Variants in SHANK2 observed in about 807,000 individuals in gnomAD.
SHANK2 encodes the protein SH3 and multiple ankyrin repeat domains 2, also known as SH3 and multiple ankyrin repeat domains protein 2.
SHANK2 carries 43 observed loss-of-function variants against 133.7 expected under a neutral mutation model. The ratio of observed to expected loss-of-function variants is 0.32; its 90% CI spans 0.25 to 0.41. The LOEUF is 0.41. Among genes scored for constraint, SHANK2 ranks in the 10% least tolerant of loss-of-function variants. SHANK2 has a pLI of 1.00. For missense variants in SHANK2, 1,994 were observed against 2,235.8 expected, an observed-to-expected ratio of 0.89 and a Z score of 2.18; for synonymous variants, 1,017 against 952.8, an observed-to-expected ratio of 1.07 and a Z score of -1.24.
chr11:71,090,691 T>C (rs1951500706), intron 8 of SHANK2, among the ~76,000 whole-genome samples: 1 of 152,160 alleles, frequency 6.6e-6, no homozygotes, highest in South Asian at 2.1e-4. Flanking sequence ...ATATGTTATA[T>C]ATGTATATGC....
intron 2 of SHANK2, among the ~76,000 whole-genome samples, chr11:71,179,774 C>T (rs1953518770): frequency 6.6e-6 from 1 of 152,080 alleles, no homozygotes; most frequent in Non-Finnish European, 1.5e-5. Flanking sequence ...AATTATATTT[C>T]TATATAATTG....
chr11:70,887,191 G>A (rs542944895), intron 11 of SHANK2, among the ~76,000 whole-genome samples: 1 of 152,296 alleles, frequency 6.6e-6, no homozygotes, highest in Non-Finnish European at 1.5e-5. Flanking sequence ...TCCCACAGAA[G>A]CCATCGTCCA....
intron 6 of SHANK2, among the ~76,000 whole-genome samples, chr11:71,107,646 A>T (rs1555098194): frequency 6.6e-6 from 1 of 152,166 alleles, no homozygotes; most frequent in African/African-American, 2.4e-5. Flanking sequence ...TTGCTCTGGC[A>T]CCAGCCTAAT....
At chr11:71,086,695 C>T (rs1330756212) in intron 8 of SHANK2, among the ~76,000 whole-genome samples, 1 of 151,692 alleles carries the variant, frequency 6.6e-6, no homozygotes, top group Non-Finnish European at 1.5e-5. Flanking sequence ...TTGAGACCCG[C>T]ACTGTGGCAT....
At chr11:71,146,781 C>T (rs554245472) in intron 3 of SHANK2, among the ~76,000 whole-genome samples, 1 of 152,282 alleles carries the variant, frequency 6.6e-6, no homozygotes. Context: ...GTGCACCTGC[C>T]GCCCGGGTTT....
chr11:71,063,065 A>AAGGG lies in SHANK2; in HGVS notation c.1030-6511_1030-6508dup, dbSNP rs1370245576. ...GAAAGAGAGAGAAAGAAAAGGAAGG[A>AAGGG]AGGGAGGGAGAAAGAGAAAGAGAAA... On this transcript the variant is annotated intron_variant, in intron 9 of 25. Coordinates refer to ENST00000601538, the MANE Select transcript of SHANK2 (RefSeq NM_012309.5). Among the ~76,000 whole-genome samples, 192 of 151,464 alleles carry AAGGG rather than the reference A, an allele frequency of 1.3e-3. 1 individual carries two copies. Among genetic ancestry groups the AAGGG allele is most frequent in the African/African-American group, 4.2e-3 (172 of 41,314 alleles).
chr11:70,591,993 A>C (rs2060329276), intron 17 of SHANK2, among the ~76,000 whole-genome samples: 1 of 152,130 alleles, frequency 6.6e-6, no homozygotes, highest in East Asian at 1.9e-4. Context: ...AGATCGCGCC[A>C]TCGCACTCCA....
At chr11:70,690,042 T>G (rs1424529807) in intron 15 of SHANK2, among the ~76,000 whole-genome samples, 3 of 152,144 alleles carry the variant, frequency 2.0e-5, no homozygotes, top group Non-Finnish European at 2.9e-5. Context: ...AAGTGGAGGA[T>G]GTATCCTGAC....
intron 17 of SHANK2, among the ~76,000 whole-genome samples, chr11:70,620,323 T>C (rs2060811714): frequency 6.6e-6 from 1 of 152,234 alleles, no homozygotes; most frequent in Non-Finnish European, 1.5e-5. Flanking sequence ...CGGGGCCTCA[T>C]CAGAACAAAA....
chr11:70,719,742 G>GCC (rs1387716539), intron 14 of SHANK2, among the ~76,000 whole-genome samples: 3 of 151,416 alleles, frequency 2.0e-5, no homozygotes, highest in African/African-American at 7.3e-5. Flanking sequence ...TTCCACAACA[G>GCC]CCCCGCGCTC....
intron 17 of SHANK2, among the ~76,000 whole-genome samples, chr11:70,540,742 C>T (rs923108986): frequency 6.8e-6 from 1 of 147,436 alleles, no homozygotes; most frequent in Non-Finnish European, 1.5e-5. Flanking sequence ...GGTGTGGTGG[C>T]GGGCGCCTGC....
chr11:70,785,804 G>A (rs1555046329), intron 14 of SHANK2, among the ~76,000 whole-genome samples: 2 of 152,148 alleles, frequency 1.3e-5, no homozygotes, highest in South Asian at 2.1e-4. Context: ...CCCCCATCTC[G>A]GGCACCAGGC....
At position 70,645,804 on chromosome 11, in the gene SHANK2, C is replaced by T. The variant is rs996217583; in HGVS notation, c.2061+14024G>A. Among the ~76,000 whole-genome samples the T allele has an allele frequency of 1.3e-4, 20 of 152,190 alleles. 1 individual carries two copies. Among genetic ancestry groups the T allele is most frequent in the Middle Eastern group, 6.8e-3 (2 of 294 alleles). On this transcript the variant is annotated intron_variant, in intron 17 of 25. Transcript: ENST00000601538. Reference sequence around the variant, plus strand: ...CCAGCATCGGGGTGGCCAGGACCCCCGAGAACCCTCTGACCCCCTGCCCTG... The same window carrying T: ...CCAGCATCGGGGTGGCCAGGACCCCTGAGAACCCTCTGACCCCCTGCCCTG...
At chr11:70,703,249 A>C (rs1336702380) in intron 14 of SHANK2, among the ~76,000 whole-genome samples, 1 of 152,056 alleles carries the variant, frequency 6.6e-6, no homozygotes, top group African/African-American at 2.4e-5. Flanking sequence ...GAGGAGGGGG[A>C]GGCTCACAGA....
rs1555085642 is a variant in SHANK2 at position 70,947,176 on chromosome 11, C to CACAT, written c.1108-50610_1108-50609insATGT. Among the ~76,000 whole-genome samples the CACAT allele has an allele frequency of 2.1e-3, 300 of 139,548 alleles. 2 individuals are homozygous for CACAT. The highest frequency in any genetic ancestry group is 7.3e-3 in the African/African-American group (296 of 40,316). The allele number at this position is 139,548 out of a possible 152,430, so 91.5% of individuals were successfully genotyped here. A position where few individuals can be genotyped will look rare whatever the true frequency, so the allele number is the denominator to read the frequency against. ...ACACACACACACACACACACACACA[C>CACAT]ACACACACACACTCGTGACGTTTCA... is the stretch of plus-strand genomic sequence containing the variant. On this transcript the variant is annotated intron_variant, in intron 10 of 25. Coordinates refer to ENST00000601538, the MANE Select transcript of SHANK2 (RefSeq NM_012309.5).
At chr11:70,932,417 C>T (rs949474482) in intron 10 of SHANK2, among the ~76,000 whole-genome samples, 2 of 152,236 alleles carry the variant, frequency 1.3e-5, no homozygotes, top group African/African-American at 2.4e-5. Context: ...CTGCTGGGTC[C>T]GCGCACGTGC....
At chr11:70,892,073 C>A (rs1206698038) in intron 11 of SHANK2, among the ~76,000 whole-genome samples, 1 of 152,174 alleles carries the variant, frequency 6.6e-6, no homozygotes, top group African/African-American at 2.4e-5. Context: ...CGTGAGAGAC[C>A]ACTGTGAGCT....
intron 14 of SHANK2, among the ~76,000 whole-genome samples, chr11:70,786,466 A>G (rs903425489): frequency 2.0e-5 from 3 of 152,144 alleles, no homozygotes; most frequent in African/African-American, 4.8e-5. Flanking sequence ...TGCTGTTGGT[A>G]ACAATTCTTG....
chr11:71,170,688 G>A (rs891124872), intron 2 of SHANK2, among the ~76,000 whole-genome samples: 6 of 152,214 alleles, frequency 3.9e-5, no homozygotes, highest in African/African-American at 1.4e-4. Context: ...TGAGGGATGT[G>A]TTGCCTGTTC....
Sources: allele counts gnomAD v4.1 joint callset (sites outside exome capture counted in the v4.1 genomes callset), GRCh38; gene constraint gnomAD v4.1.1; transcripts MANE v1.5; gene names NCBI Gene and HGNC (gene_info 2026-07-23, HGNC 2026-07-21).